The following NAALADL2 variants were observed in gnomAD, a reference collection of about 807,000 sequenced individuals.
NAALADL2 encodes inactive N-acetylated-alpha-linked acidic dipeptidase-like protein 2.
In NAALADL2, 76 loss-of-function variants were observed where a neutral mutation model predicts 87.2. The ratio of observed to expected loss-of-function variants is 0.87; its 90% CI spans 0.72 to 1.05. NAALADL2 has a LOEUF of 1.05. Ranked by LOEUF, NAALADL2 falls within the 50% of genes least tolerant of loss-of-function variation. NAALADL2 has a pLI of 0.00. For synonymous variants in NAALADL2, 354 were observed against 331.0 expected, an observed-to-expected ratio of 1.07 and a Z score of -0.75; for missense variants, 1,089 against 945.8, an observed-to-expected ratio of 1.15 and a Z score of -1.99.
At chr3:174,684,254 T>G (rs1727831214) in intron 2 of NAALADL2, among the ~76,000 whole-genome samples, 2 of 152,130 alleles carry the variant, frequency 1.3e-5, no homozygotes, top group African/African-American at 4.8e-5. Context: ...GAGTAAATAA[T>G]AAACATTATC....
intron 3 of NAALADL2, among the ~76,000 whole-genome samples, chr3:174,764,624 A>G (rs986957166): frequency 2.0e-5 from 3 of 152,206 alleles, no homozygotes; most frequent in African/African-American, 7.2e-5. Flanking sequence ...AAAAACAAAC[A>G]AACAAAAATA....
At chr3:175,207,342 TAAAA>T (rs112588416) in intron 2 of NAALADL2, among the ~76,000 whole-genome samples, 3 of 150,690 alleles carry the variant, frequency 2.0e-5, no homozygotes, top group Non-Finnish European at 3.0e-5. Flanking sequence ...TTAAGATAAT[TAAAA>T]AAAAAGAGAT....
In NAALADL2 at chr3:174,745,585, T is replaced by G. The variant is rs554916343; in HGVS notation, c.-9+7839T>G. Among the ~76,000 whole-genome samples, 3 of 152,284 alleles carry G rather than the reference T, an allele frequency of 2.0e-5. No individual in the cohort carries two copies. In the South Asian group the frequency reaches 6.2e-4, roughly 32 times the overall value. On this transcript the variant is annotated intron_variant, in intron 3 of 3. Transcript: ENST00000434257. The stretch of plus-strand genomic sequence containing the variant: ...ATTGGGGACTTCTCCTTAACTTATC[T>G]TATGATGGCAGCAGCATCCTGACAT...
intron 9 of NAALADL2, among the ~76,000 whole-genome samples, chr3:175,499,062 T>G (rs1729190718): frequency 6.6e-6 from 1 of 152,140 alleles, no homozygotes; most frequent in African/African-American, 2.4e-5. Flanking sequence ...CTCTACATAC[T>G]TATTATGCAT....
At chr3:174,839,739 A>T (rs1352467830) in intron 3 of NAALADL2, among the ~76,000 whole-genome samples, 2 of 152,136 alleles carry the variant, frequency 1.3e-5, no homozygotes, top group Admixed American at 1.3e-4. Context: ...TCAAACATGA[A>T]AAACATGCTC....
intron 2 of NAALADL2, among the ~76,000 whole-genome samples, chr3:174,657,452 C>T (rs952643875): frequency 2.0e-5 from 3 of 151,926 alleles, no homozygotes; most frequent in East Asian, 1.9e-4. Flanking sequence ...CGACCCTGCC[C>T]GGCCACAAAA....
intron 1 of NAALADL2, among the ~76,000 whole-genome samples, chr3:174,895,870 A>C (rs1302384741): frequency 6.6e-6 from 1 of 152,168 alleles, no homozygotes; most frequent in Non-Finnish European, 1.5e-5. Flanking sequence ...TTTATCCCTG[A>C]GATGCAAGGA....
At chr3:174,696,169 G>A (rs1391663750) in intron 2 of NAALADL2, among the ~76,000 whole-genome samples, 1 of 152,014 alleles carries the variant, frequency 6.6e-6, no homozygotes, top group Non-Finnish European at 1.5e-5. Context: ...TACATAGGAT[G>A]AGTGTGGTGG....
intron 3 of NAALADL2, among the ~76,000 whole-genome samples, chr3:174,772,007 T>C (rs1015550346): frequency 6.6e-6 from 1 of 151,876 alleles, no homozygotes; most frequent in African/African-American, 2.4e-5. Context: ...CAGACACATT[T>C]TTTTTGTCCC....
At chr3:174,976,904 A>G (rs1338494541) in intron 1 of NAALADL2, among the ~76,000 whole-genome samples, 1 of 152,188 alleles carries the variant, frequency 6.6e-6, no homozygotes, top group East Asian at 1.9e-4. Flanking sequence ...GGCCCATTAC[A>G]TATTGCTTCC....
At chr3:175,672,786 T>C (rs1734179185) in intron 11 of NAALADL2, among the ~76,000 whole-genome samples, 1 of 152,220 alleles carries the variant, frequency 6.6e-6, no homozygotes, top group East Asian at 1.9e-4. Context: ...ATTGGCATTA[T>C]TAGTGACTCT....
intron 4 of NAALADL2, among the ~76,000 whole-genome samples, chr3:175,281,780 T>C (rs1754340693): frequency 6.6e-6 from 1 of 152,000 alleles, no homozygotes; most frequent in Non-Finnish European, 1.5e-5. Context: ...CAATTTTGTT[T>C]ATACAAAGAA....
intron 3 of NAALADL2, among the ~76,000 whole-genome samples, chr3:174,827,814 A>G (rs1238709081): frequency 6.6e-6 from 1 of 152,160 alleles, no homozygotes; most frequent in Non-Finnish European, 1.5e-5. Context: ...ATCCAATTGT[A>G]GCAAACATAT....
At position 175,780,093 on chromosome 3, in the gene NAALADL2, C is replaced by T. The variant is rs964856697; in HGVS notation, c.2190-22912C>T. 2.6e-5 allele frequency among the ~76,000 whole-genome samples: 4 copies of T among 151,182 alleles called. No individual in the cohort carries two copies. In the East Asian group the frequency reaches 7.8e-4, roughly 29 times the overall value. On this transcript the variant is annotated intron_variant, in intron 13 of 13. Transcript: ENST00000454872. ...ACCATCCTGGTTAACACGGTGAAACCCTGTCTCTACTAAAAATACAAAAAA... is the reference window on the plus strand; with the variant it reads ...ACCATCCTGGTTAACACGGTGAAACTCTGTCTCTACTAAAAATACAAAAAA...
intron 2 of NAALADL2, among the ~76,000 whole-genome samples, chr3:174,704,397 CT>C (rs1204897760): frequency 9.2e-5 from 14 of 151,922 alleles, no homozygotes; most frequent in Non-Finnish European, 1.8e-4. Context: ...AGAAAGAAAG[CT>C]TATTATAAGC....
At chr3:175,002,468 A>G (rs181553953) in intron 1 of NAALADL2, among the ~76,000 whole-genome samples, 1 of 152,256 alleles carries the variant, frequency 6.6e-6, no homozygotes, top group East Asian at 1.9e-4. Context: ...GAAGATCTCG[A>G]TCGTGTATTG....
intron 1 of NAALADL2, among the ~76,000 whole-genome samples, chr3:174,537,273 A>G (rs1329146961): frequency 6.6e-6 from 1 of 152,168 alleles, no homozygotes; most frequent in Non-Finnish European, 1.5e-5. Context: ...TATTATGGAT[A>G]TTAAATTAAA....
chr3:174,482,439 G>A (rs956749423), intron 1 of NAALADL2, among the ~76,000 whole-genome samples: 1 of 152,076 alleles, frequency 6.6e-6, no homozygotes, highest in African/African-American at 2.4e-5. Flanking sequence ...GCCCACTGCA[G>A]AGGCTCTTGC....
chr3:175,364,165 C>T (rs1316235849), intron 5 of NAALADL2, among the ~76,000 whole-genome samples: 1 of 147,830 alleles, frequency 6.8e-6, no homozygotes, highest in Non-Finnish European at 1.5e-5. Flanking sequence ...CACTCACAAA[C>T]TTGTGTGCTT....
Sources: allele counts gnomAD v4.1 joint callset (sites outside exome capture counted in the v4.1 genomes callset), GRCh38; gene constraint gnomAD v4.1.1; transcripts MANE v1.5; gene names NCBI Gene and HGNC (gene_info 2026-07-23, HGNC 2026-07-21).